MYLK: variants seen among roughly 807,000 people sequenced by gnomAD.
MYLK encodes the protein myosin light chain kinase.
MYLK carries 106 observed loss-of-function variants against 203.4 expected under a neutral mutation model. That is an observed-to-expected ratio of 0.52 (90% CI 0.45 to 0.61). MYLK has a LOEUF of 0.61. Ranked by LOEUF, MYLK falls within the 20% of genes least tolerant of loss-of-function variation. MYLK has a pLI of 0.00. For synonymous variants in MYLK, 867 were observed against 959.5 expected, an observed-to-expected ratio of 0.90 and a Z score of 1.78; for missense variants, 2,072 against 2,442.3, an observed-to-expected ratio of 0.85 and a Z score of 3.20.
chr3:123,621,481 A>G (rs1347564434), intron 31 of MYLK: 1 of 152,212 alleles, frequency 6.6e-6, no homozygotes, highest in African/African-American at 2.4e-5. Flanking sequence ...TTTCCTCCTC[A>G]GTTCACTTCA....
chr3:123,853,048 C>T (rs751368305), intron 2 of MYLK, among the ~76,000 whole-genome samples: 6 of 151,904 alleles, frequency 3.9e-5, no homozygotes, highest in Non-Finnish European at 7.4e-5. Flanking sequence ...CCTAGCACAC[C>T]TTATCTTGTC....
chr3:123,726,400 C>T (rs983227112), intron 11 of MYLK, among the ~76,000 whole-genome samples: 2 of 152,148 alleles, frequency 1.3e-5, no homozygotes, highest in Admixed American at 1.3e-4. Flanking sequence ...TTGCTGCCCT[C>T]GAGCCTCTGG....
chr3:123,775,492 C>T (rs1207201565), intron 4 of MYLK, among the ~76,000 whole-genome samples: 1 of 152,182 alleles, frequency 6.6e-6, no homozygotes, highest in Admixed American at 6.5e-5. Context: ...ATTTGTTGTG[C>T]ACCTATTTTA....
intron 3 of MYLK, among the ~76,000 whole-genome samples, chr3:123,827,548 C>CCCAGCAAAGCTAACCT (rs2066161176): frequency 6.6e-6 from 1 of 150,890 alleles, no homozygotes; most frequent in Non-Finnish European, 1.5e-5. Flanking sequence ...GAATACTATA[C>CCCAGCAAAGCTAACCT]CCAGCAAAGC....
At chr3:123,751,123 G>T (rs564763960) in intron 5 of MYLK, among the ~76,000 whole-genome samples, 65 of 152,320 alleles carry the variant, frequency 4.3e-4, no homozygotes, top group African/African-American at 1.4e-3. Flanking sequence ...GGAGAAGTGA[G>T]TCTGAGCCTT....
chr3:123,619,965 T>C (rs1477945518), intron 32 of MYLK, among the ~76,000 whole-genome samples: 1 of 152,178 alleles, frequency 6.6e-6, no homozygotes, highest in Non-Finnish European at 1.5e-5. Context: ...GCTGAGGTCA[T>C]CTAGTTCTAT....
intron 2 of MYLK, among the ~76,000 whole-genome samples, chr3:123,855,425 T>C (rs1038952792): frequency 3.3e-5 from 5 of 152,158 alleles, no homozygotes; most frequent in Non-Finnish European, 7.3e-5. Flanking sequence ...TTTTCATTTA[T>C]ATATGTTTTT....
intron 3 of MYLK, among the ~76,000 whole-genome samples, chr3:123,820,433 G>GA (rs2109292209): frequency 6.6e-6 from 1 of 152,300 alleles, no homozygotes; most frequent in East Asian, 1.9e-4. Flanking sequence ...GGTAGATACA[G>GA]AAGCAGTCAT....
At chr3:123,682,682 T>A (rs1423053541) in intron 19 of MYLK, among the ~76,000 whole-genome samples, 2 of 152,140 alleles carry the variant, frequency 1.3e-5, no homozygotes, top group Admixed American at 1.3e-4. Context: ...ATGCTAGAAA[T>A]CTTGGGTCTC....
intron 3 of MYLK, among the ~76,000 whole-genome samples, chr3:123,802,733 C>T (rs77717129): frequency 0.17 from 26,069 of 152,096 alleles, 2,843 homozygotes; most frequent in Non-Finnish European, 0.24. Flanking sequence ...TTGATGGGAA[C>T]AGGCTGAGAG....
intron 31 of MYLK, chr3:123,622,420 G>A (rs895621213): frequency 1.3e-5 from 2 of 152,220 alleles, no homozygotes; most frequent in African/African-American, 2.4e-5. Context: ...ATCCATAAAT[G>A]TGTAGCAAGG....
intron 33 of MYLK, chr3:123,617,724 G>T (rs2057587118): frequency 6.6e-6 from 1 of 152,242 alleles, no homozygotes; most frequent in Non-Finnish European, 1.5e-5. Context: ...ACCCTGGTTG[G>T]CAGGTGAAAG....
intron 3 of MYLK, chr3:123,799,748 C>A (rs1002679774): frequency 6.6e-6 from 1 of 152,462 alleles, no homozygotes. Context: ...CCGGAGTGCG[C>A]TGCTCCTCGG....
At chr3:123,755,774 G>A (rs1224517117) in intron 4 of MYLK, among the ~76,000 whole-genome samples, 1 of 151,944 alleles carries the variant, frequency 6.6e-6, no homozygotes, top group Non-Finnish European at 1.5e-5. Context: ...TTACAGTCAG[G>A]ATCTTCATCA....
rs184621017 is a variant in MYLK at position 123,645,455 on chromosome 3, C to T, written c.4619+1769G>A. ...TACAGCTTGGGGATGTCTTACTGGA[C>T]TCAACTTTCCTGGGAGAGAATTCCA... On this transcript the variant is annotated intron_variant, in intron 27 of 33. Coordinates refer to ENST00000360304, the MANE Select transcript of MYLK (RefSeq NM_053025.4). Among the ~76,000 whole-genome samples, 454 of 152,310 alleles carry T rather than the reference C, an allele frequency of 3.0e-3. 4 individuals are homozygous for T. The highest frequency in any genetic ancestry group is 1.3e-3 in the Non-Finnish European group (90 of 68,030).
At chr3:123,866,653 A>C (rs1299632410) in intron 2 of MYLK, among the ~76,000 whole-genome samples, 6 of 152,186 alleles carry the variant, frequency 3.9e-5, no homozygotes, top group Admixed American at 3.9e-4. Context: ...ACTTGAATAA[A>C]GTCTTGTTGG....
intron 3 of MYLK, among the ~76,000 whole-genome samples, chr3:123,808,775 T>C (rs1250263323): frequency 6.6e-6 from 1 of 152,246 alleles, no homozygotes; most frequent in Non-Finnish European, 1.5e-5. Context: ...TACTGAGGGC[T>C]TTATATAAGT....
rs1056252526 is a variant in MYLK, at chr3:123,779,106, C to T, written c.165+14571G>A. On this transcript the variant is annotated intron_variant, in intron 4 of 33. Coordinates refer to ENST00000360304, the MANE Select transcript of MYLK (RefSeq NM_053025.4). ...GTGCATGTGGGGGACTGACTGGCGC[C>T]AGTCTGCTCCAGAAACAGTCTTTCC... 3.3e-5 allele frequency among the ~76,000 whole-genome samples: 5 copies of T among 152,288 alleles called. No homozygotes were observed. In the East Asian group the frequency reaches 9.7e-4, roughly 29 times the overall value.
chr3:123,838,849 C>T (rs1364385412), intron 2 of MYLK, among the ~76,000 whole-genome samples: 1 of 152,144 alleles, frequency 6.6e-6, no homozygotes, highest in Non-Finnish European at 1.5e-5. Flanking sequence ...AATCCCAGCA[C>T]TTTGGGAGGC....
Sources: gnomAD v4.1 joint callset for allele counts (sites outside exome capture counted in the v4.1 genomes callset) on GRCh38, gnomAD v4.1.1 for gene constraint, MANE v1.5 for transcripts, NCBI Gene and HGNC (gene_info 2026-07-23, HGNC 2026-07-21) for gene names.